ROCK2: variants seen among roughly 807,000 people sequenced by gnomAD.
ROCK2 encodes rho-associated protein kinase 2.
Under a neutral mutation model 195.1 loss-of-function variants are expected in ROCK2, and 61 were observed. The ratio of observed to expected loss-of-function variants is 0.31; its 90% CI spans 0.25 to 0.39. ROCK2 has a LOEUF of 0.39. Ranked by LOEUF, ROCK2 falls within the 10% of genes least tolerant of loss-of-function variation. The pLI is 1.00. For missense variants in ROCK2, 1,109 were observed against 1,637.4 expected (o/e 0.68, Z 5.57); for synonymous variants, 504 against 545.5 (o/e 0.92, Z 1.06).
chr2:11,342,065 AATTT>A (rs1669123655), intron 1 of ROCK2, among the ~76,000 whole-genome samples: 1 of 152,148 alleles, frequency 6.6e-6, no homozygotes, highest in Admixed American at 6.5e-5. Context: ...ATTTAAAATT[AATTT>A]ATTATAAAAA....
chr2:11,236,601 C>T (rs1030102768), intron 4 of ROCK2, among the ~76,000 whole-genome samples: 2 of 152,150 alleles, frequency 1.3e-5, no homozygotes, highest in African/African-American at 4.8e-5. Flanking sequence ...CAGGTTGCTA[C>T]TGACCCCCCA....
At chr2:11,330,859 A>G (rs1198156673) in intron 1 of ROCK2, among the ~76,000 whole-genome samples, 6 of 3,246 alleles carry the variant, frequency 1.8e-3, no homozygotes, top group Admixed American at 4.8e-3. Flanking sequence ...GGGGAGGAAG[A>G]GGGAGGAGGA....
At chr2:11,244,576 G>A (rs1197109936) in intron 4 of ROCK2, among the ~76,000 whole-genome samples, 1 of 151,946 alleles carries the variant, frequency 6.6e-6, no homozygotes, top group Non-Finnish European at 1.5e-5. Flanking sequence ...GACCAGCCTG[G>A]GCAACATAGT....
chr2:11,267,777 C>T (rs1304130718), intron 3 of ROCK2, among the ~76,000 whole-genome samples: 2 of 149,908 alleles, frequency 1.3e-5, no homozygotes, highest in African/African-American at 4.9e-5. Context: ...TCTCGGCTCG[C>T]TGGGACTACA....
chr2:11,216,585 ACTGC>A (rs2148068146), intron 12 of ROCK2, among the ~76,000 whole-genome samples: 1 of 149,062 alleles, frequency 6.7e-6, no homozygotes, highest in South Asian at 2.1e-4. Context: ...ATCTCAGCTC[ACTGC>A]AACCTCAGCC....
chr2:11,186,054 A>G (rs1206169836), intron 32 of ROCK2, among the ~76,000 whole-genome samples: 1 of 152,218 alleles, frequency 6.6e-6, no homozygotes, highest in Non-Finnish European at 1.5e-5. Context: ...TAACTTTGAG[A>G]AACACTGACA....
intron 1 of ROCK2, among the ~76,000 whole-genome samples, chr2:11,330,847 AGGGGGAGGAAGAGGG>A (rs1668715152): frequency 1.4e-4 from 1 of 7,176 alleles, no homozygotes; most frequent in African/African-American, 3.3e-4. Flanking sequence ...AGGGAGGAGG[AGGGGGAGGAAGAGGG>A]AGGAGGAGGG....
rs70953378 is a variant in ROCK2, at chr2:11,268,522, C to CTGTGTGTGTGTGTGTGTG, written c.324+17999_324+18016dup. Among the ~76,000 whole-genome samples, 5 of 140,554 alleles carry CTGTGTGTGTGTGTGTGTG rather than the reference C, an allele frequency of 3.6e-5. 1 individual carries two copies. Among genetic ancestry groups the CTGTGTGTGTGTGTGTGTG allele is most frequent in the African/African-American group, 1.0e-4 (4 of 38,458 alleles). The allele number at this position is 140,554 out of a possible 152,430, so 92.2% of individuals were successfully genotyped here. A position where few individuals can be genotyped will look rare whatever the true frequency, so the allele number is the denominator to read the frequency against. ...TGTGTGTGTATTTAACAGTTTTGCA[C>CTGTGTGTGTGTGTGTGTG]TGTGTGTGTGTGTGTGTGTGTGTGT... On this transcript the variant is annotated intron_variant, in intron 3 of 32. Coordinates refer to ENST00000315872, the MANE Select transcript of ROCK2 (RefSeq NM_004850.5).
At position 11,202,038 on chromosome 2, in the gene ROCK2, T is replaced by C; in HGVS notation, c.2619+14A>G. Reference sequence around the variant, plus strand: ...TCTGTTTGCTATTTGCAAATTAATGTGTCTTGAACTTACTGAGAAATACTG... The same window carrying C: ...TCTGTTTGCTATTTGCAAATTAATGCGTCTTGAACTTACTGAGAAATACTG... On this transcript the variant is annotated intron_variant, in intron 21 of 32. Transcript: ENST00000315872. 5 of 1,605,000 alleles carry C rather than the reference T, an allele frequency of 3.1e-6. No homozygotes were observed. Among genetic ancestry groups the C allele is most frequent in the Non-Finnish European group, 4.3e-6 (5 of 1,172,068 alleles).
chr2:11,214,349 T>C lies in ROCK2; in HGVS notation c.2043+8A>G, dbSNP rs1664350924. On this transcript the variant is annotated splice_region_variant and intron_variant, in intron 17 of 32. Transcript: ENST00000315872. ...TTTTCTTATGCAAAAATATAAAACATGTTTTACCTTTTCCAAATCAGTAAA... is the reference window on the plus strand; with the variant it reads ...TTTTCTTATGCAAAAATATAAAACACGTTTTACCTTTTCCAAATCAGTAAA... 2 of 1,460,216 alleles carry C rather than the reference T, an allele frequency of 1.4e-6. No homozygotes were observed. Among genetic ancestry groups the C allele is most frequent in the African/African-American group, 1.4e-5 (1 of 70,750 alleles). 90.5% of individuals were successfully genotyped at this position (1,460,216 alleles called of 1,614,324 possible). A position where few individuals can be genotyped will look rare whatever the true frequency, so the allele number is the denominator to read the frequency against.
intron 3 of ROCK2, among the ~76,000 whole-genome samples, chr2:11,282,622 G>A (rs994434641): frequency 0.043 from 3,201 of 74,358 alleles, 35 homozygotes; most frequent in Non-Finnish European, 0.053. Flanking sequence ...AAAAAAAAAA[G>A]AATCAAGACC....
intron 1 of ROCK2, among the ~76,000 whole-genome samples, chr2:11,293,954 C>T (rs890901525): frequency 2.0e-5 from 3 of 152,060 alleles, no homozygotes; most frequent in Non-Finnish European, 4.4e-5. Flanking sequence ...GTCAGGAGAT[C>T]GAGACCATCC....
At chr2:11,327,568 CAAGA>C (rs1445411571) in intron 1 of ROCK2, among the ~76,000 whole-genome samples, 1 of 151,910 alleles carries the variant, frequency 6.6e-6, no homozygotes, top group African/African-American at 2.4e-5. Context: ...AGAACATGGC[CAAGA>C]AAGAGGCAGA....
At chr2:11,203,601 C>T (rs1663943279) in intron 20 of ROCK2, among the ~76,000 whole-genome samples, 1 of 152,078 alleles carries the variant, frequency 6.6e-6, no homozygotes, top group Non-Finnish European at 1.5e-5. Context: ...CTCTTCAGTT[C>T]GTATACTGCT....
chr2:11,311,390 G>C (rs1417773628), intron 1 of ROCK2, among the ~76,000 whole-genome samples: 1 of 152,154 alleles, frequency 6.6e-6, no homozygotes, highest in East Asian at 1.9e-4. Flanking sequence ...AAGTTGAGAA[G>C]CCTAAGAGAG....
intron 1 of ROCK2, among the ~76,000 whole-genome samples, chr2:11,339,203 A>G (rs1281962152): frequency 1.3e-5 from 2 of 152,234 alleles, no homozygotes; most frequent in African/African-American, 4.8e-5. Context: ...TAATATCTCC[A>G]ATTTACTTTA....
intron 32 of ROCK2, among the ~76,000 whole-genome samples, chr2:11,184,368 T>C (rs191914259): frequency 1.3e-5 from 2 of 152,336 alleles, no homozygotes; most frequent in East Asian, 3.9e-4. Context: ...CTTCTGAATA[T>C]GGCTTCTTTG....
chr2:11,186,353 C>T (rs1405663752), intron 32 of ROCK2, among the ~76,000 whole-genome samples: 2 of 152,146 alleles, frequency 1.3e-5, no homozygotes, highest in African/African-American at 4.8e-5. Flanking sequence ...GCATTGCATA[C>T]CCTTTCAAAA....
intron 11 of ROCK2, 78 bp from the exon 12 acceptor site, chr2:11,217,247 G>C (rs961733916): frequency 4.0e-5 from 31 of 781,234 alleles, no homozygotes; most frequent in South Asian, 1.8e-4. Context: ...ACAATGATAA[G>C]CTTATTTTGT....
Sources: gnomAD v4.1 joint callset for allele counts (sites outside exome capture counted in the v4.1 genomes callset) on GRCh38, gnomAD v4.1.1 for gene constraint, MANE v1.5 for transcripts, NCBI Gene and HGNC (gene_info 2026-07-23, HGNC 2026-07-21) for gene names.